The following MOB3B variants were observed in gnomAD, a reference collection of about 807,000 sequenced individuals.
MOB3B encodes the protein MOB kinase activator 3B.
In MOB3B, 7 loss-of-function variants were observed where a neutral mutation model predicts 18.7. That is an observed-to-expected ratio of 0.37 (90% CI 0.21 to 0.70). MOB3B has a LOEUF of 0.70. Among genes scored for constraint, MOB3B ranks in the 30% least tolerant of loss-of-function variants. The pLI is 0.52. For synonymous variants in MOB3B, 111 were observed against 99.9 expected (o/e 1.11, Z -0.66); for missense variants, 253 against 281.3 (o/e 0.90, Z 0.72).
intron 1 of MOB3B, among the ~76,000 whole-genome samples, chr9:27,496,039 A>T (rs1819892748): frequency 6.6e-6 from 1 of 152,234 alleles, no homozygotes; most frequent in Admixed American, 6.5e-5. Context: ...AGGCACATAG[A>T]AGCGTTATCT....
intron 3 of MOB3B, among the ~76,000 whole-genome samples, chr9:27,352,708 A>G (rs573893930): frequency 3.4e-4 from 52 of 152,320 alleles, no homozygotes; most frequent in South Asian, 6.2e-4. Context: ...AGAAAAATCT[A>G]GAGACACATC....
At chr9:27,494,343 T>A (rs994968688) in intron 1 of MOB3B, among the ~76,000 whole-genome samples, 5 of 152,212 alleles carry the variant, frequency 3.3e-5, no homozygotes, top group African/African-American at 1.2e-4. Flanking sequence ...CCACACCTAT[T>A]TGCACACTCC....
At chr9:27,489,370 A>AGCT (rs1819779484) in intron 1 of MOB3B, among the ~76,000 whole-genome samples, 1 of 150,590 alleles carries the variant, frequency 6.6e-6, no homozygotes, top group South Asian at 2.1e-4. Flanking sequence ...TATACCCAGC[A>AGCT]GCTGCTAATC....
chr9:27,467,955 G>A (rs182404054), intron 1 of MOB3B, among the ~76,000 whole-genome samples: 23 of 152,290 alleles, frequency 1.5e-4, no homozygotes, highest in African/African-American at 5.5e-4. Flanking sequence ...AGGGAAGAGT[G>A]GTGTGACTTG....
chr9:27,357,886 T>TCCAAAAAAAAAAAAAAAA (rs1563849115), intron 3 of MOB3B, among the ~76,000 whole-genome samples: 1 of 25,292 alleles, frequency 4.0e-5, no homozygotes, highest in African/African-American at 1.5e-4. Flanking sequence ...ATCCCATCGC[T>TCCAAAAAAAAAAAAAAAA]ACAAAAAAAA....
intron 2 of MOB3B, among the ~76,000 whole-genome samples, chr9:27,434,628 C>T (rs1822467821): frequency 6.6e-6 from 1 of 152,108 alleles, no homozygotes; most frequent in Non-Finnish European, 1.5e-5. Context: ...TTCCCACCCT[C>T]AAGAACTCCT....
At chr9:27,509,503 G>A (rs1283385911) in intron 1 of MOB3B, among the ~76,000 whole-genome samples, 7 of 151,700 alleles carry the variant, frequency 4.6e-5, no homozygotes, top group Admixed American at 6.6e-5. Context: ...TTCAACCTCC[G>A]CCTCCTGGGT....
intron 1 of MOB3B, among the ~76,000 whole-genome samples, chr9:27,471,437 C>T (rs1019873693): frequency 2.0e-5 from 3 of 152,200 alleles, no homozygotes; most frequent in Non-Finnish European, 4.4e-5. Flanking sequence ...CAATGAACCA[C>T]CCCTGCGCTT....
chr9:27,340,484 T>G (rs1820922987), intron 3 of MOB3B, among the ~76,000 whole-genome samples: 1 of 152,204 alleles, frequency 6.6e-6, no homozygotes, highest in Non-Finnish European at 1.5e-5. Flanking sequence ...ACATGGTGGG[T>G]TGCCTCATAG....
At chr9:27,442,591 G>C (rs1822610023) in intron 2 of MOB3B, among the ~76,000 whole-genome samples, 1 of 152,200 alleles carries the variant, frequency 6.6e-6, no homozygotes, top group Non-Finnish European at 1.5e-5. Flanking sequence ...TTTCGGGTCA[G>C]GCAGTACTGC....
chr9:27,341,580 A>G lies in MOB3B; in HGVS notation c.622-10964T>C, dbSNP rs545744069. ...AAACTAAAATTTTCCTTTTAATACA[A>G]TGAGATCTCTTGCTAGAAGTTTGAC... is the stretch of plus-strand genomic sequence containing the variant. On this transcript the variant is annotated intron_variant, in intron 3 of 3. Transcript: ENST00000262244. Among the ~76,000 whole-genome samples the G allele has an allele frequency of 5.8e-4, 89 of 152,314 alleles. 1 individual carries two copies. The highest frequency in any genetic ancestry group is 2.0e-3 in the African/African-American group (84 of 41,570).
intron 2 of MOB3B, among the ~76,000 whole-genome samples, chr9:27,383,588 G>A (rs1282511490): frequency 6.6e-6 from 1 of 152,144 alleles, no homozygotes; most frequent in African/African-American, 2.4e-5. Flanking sequence ...AGGACAAGCT[G>A]CTTTTTTATA....
chr9:27,375,850 C>A (rs1010174517), intron 2 of MOB3B, among the ~76,000 whole-genome samples: 1 of 152,200 alleles, frequency 6.6e-6, no homozygotes, highest in Admixed American at 6.5e-5. Context: ...TCTGAAAAAA[C>A]TTCTAATCTA....
chr9:27,376,978 A>G (rs1821498103), intron 2 of MOB3B, among the ~76,000 whole-genome samples: 1 of 152,222 alleles, frequency 6.6e-6, no homozygotes, highest in African/African-American at 2.4e-5. Context: ...CTTGAACTCA[A>G]GTCTCTCGTC....
At chr9:27,496,226 G>A (rs555807502) in intron 1 of MOB3B, among the ~76,000 whole-genome samples, 1 of 152,244 alleles carries the variant, frequency 6.6e-6, no homozygotes. Context: ...GCAGGAACAA[G>A]TGGAGATTAA....
chr9:27,500,980 C>T (rs1414530957), intron 1 of MOB3B, among the ~76,000 whole-genome samples: 2 of 151,864 alleles, frequency 1.3e-5, no homozygotes, highest in Non-Finnish European at 1.5e-5. Flanking sequence ...TTTATGCGAC[C>T]AACAAACATA....
chr9:27,377,409 A>T (rs1463249950), intron 2 of MOB3B, among the ~76,000 whole-genome samples: 1 of 152,106 alleles, frequency 6.6e-6, no homozygotes, highest in Admixed American at 6.5e-5. Context: ...CTGAAAATAC[A>T]CGGCTAGAGA....
chr9:27,435,712 G>C (rs958113021), intron 2 of MOB3B, among the ~76,000 whole-genome samples: 2 of 152,092 alleles, frequency 1.3e-5, no homozygotes, highest in Non-Finnish European at 2.9e-5. Flanking sequence ...TGATTCTTCT[G>C]CCTCAGCCTC....
intron 1 of MOB3B, among the ~76,000 whole-genome samples, chr9:27,493,023 C>T (rs1587255234): frequency 1.3e-5 from 2 of 152,166 alleles, no homozygotes; most frequent in South Asian, 2.1e-4. Context: ...CCACACTTGG[C>T]AAGCAATAGA....
Sources: gnomAD v4.1 joint callset for allele counts (sites outside exome capture counted in the v4.1 genomes callset) on GRCh38, gnomAD v4.1.1 for gene constraint, MANE v1.5 for transcripts, NCBI Gene and HGNC (gene_info 2026-07-23, HGNC 2026-07-21) for gene names.